Variants in CSGALNACT1 observed in about 807,000 individuals in gnomAD.
The protein encoded by CSGALNACT1 is beta4GalNAcT-1.
A neutral mutation model predicts 51.0 loss-of-function variants in CSGALNACT1; 52 were observed. The ratio of observed to expected loss-of-function variants is 1.02; its 90% CI spans 0.82 to 1.29. CSGALNACT1 has a LOEUF of 1.29. CSGALNACT1 is among the 50% of genes most tolerant of loss of function. The pLI, the probability that CSGALNACT1 is intolerant of heterozygous loss-of-function variation, is 0.00. For missense variants in CSGALNACT1, 935 were observed against 679.2 expected, an observed-to-expected ratio of 1.38 and a Z score of -4.19; for synonymous variants, 341 against 254.4, an observed-to-expected ratio of 1.34 and a Z score of -3.24.
At chr8:19,578,756 T>C (rs2044862907) in intron 3 of CSGALNACT1, among the ~76,000 whole-genome samples, 1 of 152,198 alleles carries the variant, frequency 6.6e-6, no homozygotes, top group Non-Finnish European at 1.5e-5. Flanking sequence ...TCTGACCTTC[T>C]GACGTCTGCC....
intron 1 of CSGALNACT1, among the ~76,000 whole-genome samples, chr8:19,628,536 G>GGAAACT (rs2054758697): frequency 1.3e-5 from 2 of 152,204 alleles, no homozygotes; most frequent in South Asian, 4.1e-4. Flanking sequence ...TTACAGATCG[G>GGAAACT]GAAACTAAGC....
intron 3 of CSGALNACT1, among the ~76,000 whole-genome samples, chr8:19,578,606 G>C (rs778648574): frequency 9.2e-5 from 14 of 152,114 alleles, no homozygotes; most frequent in Non-Finnish European, 1.6e-4. Context: ...TATTCGCTAT[G>C]AACTTACATT....
intron 6 of CSGALNACT1, among the ~76,000 whole-genome samples, chr8:19,421,484 CA>C (rs1211854588): frequency 6.6e-6 from 1 of 152,170 alleles, no homozygotes; most frequent in African/African-American, 2.4e-5. Context: ...TTCAGCCTAG[CA>C]AATCCCTTTT....
chr8:19,604,210 A>G (rs569109442), upstream of CSGALNACT1, among the ~76,000 whole-genome samples: 2 of 152,310 alleles, frequency 1.3e-5, no homozygotes, highest in African/African-American at 4.8e-5. Flanking sequence ...ATCAGGGTGG[A>G]AGGGGAATAG....
chr8:19,712,881 T>C (rs75575950), intron 1 of CSGALNACT1, among the ~76,000 whole-genome samples: 1,711 of 152,258 alleles, frequency 0.011, 45 homozygotes, highest in African/African-American at 0.039. Context: ...TTGGAAACAA[T>C]GAACCCAATC....
intron 1 of CSGALNACT1, among the ~76,000 whole-genome samples, chr8:19,645,585 A>G (rs2057195881): frequency 6.6e-6 from 1 of 152,248 alleles, no homozygotes; most frequent in South Asian, 2.1e-4. Context: ...CGTAAGGTTG[A>G]GATCGTGGGT....
chr8:19,743,187 A>G (rs556412380), intron 1 of CSGALNACT1, among the ~76,000 whole-genome samples: 6 of 152,216 alleles, frequency 3.9e-5, no homozygotes, highest in Non-Finnish European at 8.8e-5. Context: ...AAACCCCAAC[A>G]TGAGCTGCTG....
chr8:19,598,662 TACAA>T (rs146228342), intron 2 of CSGALNACT1, among the ~76,000 whole-genome samples: 153 of 152,304 alleles, frequency 1.0e-3, no homozygotes, highest in Non-Finnish European at 1.7e-3. Flanking sequence ...CTTATGTGTC[TACAA>T]ACAGTTTTTA....
intron 1 of CSGALNACT1, among the ~76,000 whole-genome samples, chr8:19,658,515 C>T (rs1169839359): frequency 6.6e-6 from 1 of 152,156 alleles, no homozygotes; most frequent in Non-Finnish European, 1.5e-5. Flanking sequence ...AGGTGGATCA[C>T]CTGAGGTCAG....
chr8:19,531,066 T>C (rs998352530), intron 3 of CSGALNACT1, among the ~76,000 whole-genome samples: 7 of 152,180 alleles, frequency 4.6e-5, no homozygotes, highest in African/African-American at 1.7e-4. Flanking sequence ...AAGGCTTCCA[T>C]TTCCTATTAC....
intron 1 of CSGALNACT1, among the ~76,000 whole-genome samples, chr8:19,750,865 A>G (rs565302779): frequency 6.6e-6 from 1 of 152,112 alleles, no homozygotes; most frequent in Non-Finnish European, 1.5e-5. Context: ...ACTCGATCTT[A>G]TTCATACTTT....
chr8:19,755,479 A>AAAAAAAAAAAAAAAAAAAAC (rs2065308411), intron 1 of CSGALNACT1, among the ~76,000 whole-genome samples: 1 of 148,082 alleles, frequency 6.8e-6, no homozygotes, highest in Non-Finnish European at 1.5e-5. Context: ...AAAAAAAAAA[A>AAAAAAAAAAAAAAAAAAAAC]AAGACAACAT....
At chr8:19,524,364 T>C (rs2081273460) in intron 3 of CSGALNACT1, among the ~76,000 whole-genome samples, 1 of 152,254 alleles carries the variant, frequency 6.6e-6, no homozygotes, top group Non-Finnish European at 1.5e-5. Context: ...TAACGATGCA[T>C]GTTATTTTAA....
At chr8:19,586,849 C>T (rs548921909) in intron 3 of CSGALNACT1, among the ~76,000 whole-genome samples, 8 of 152,284 alleles carry the variant, frequency 5.3e-5, no homozygotes, top group South Asian at 4.1e-4. Flanking sequence ...GGCTCAGGTA[C>T]ATCGTACCCT....
chr8:19,546,673 A>C (rs752342668), intron 3 of CSGALNACT1, among the ~76,000 whole-genome samples: 2 of 152,214 alleles, frequency 1.3e-5, no homozygotes, highest in African/African-American at 4.8e-5. Flanking sequence ...ATTCTTGGGA[A>C]TATCTGAAAT....
intron 1 of CSGALNACT1, among the ~76,000 whole-genome samples, chr8:19,664,758 A>T (rs2059051202): frequency 6.6e-6 from 1 of 152,218 alleles, no homozygotes; most frequent in African/African-American, 2.4e-5. Flanking sequence ...TTGGAACTGG[A>T]GGTAATTATC....
intron 4 of CSGALNACT1, among the ~76,000 whole-genome samples, chr8:19,503,376 T>A (rs2076747618): frequency 6.6e-6 from 1 of 152,170 alleles, no homozygotes; most frequent in African/African-American, 2.4e-5. Flanking sequence ...CACTGCTGAT[T>A]GAGAAAGATA....
chr8:19,573,202 C>T (rs770500203), intron 3 of CSGALNACT1, among the ~76,000 whole-genome samples: 3 of 152,194 alleles, frequency 2.0e-5, no homozygotes, highest in Non-Finnish European at 2.9e-5. Flanking sequence ...CTGTACCCTG[C>T]AAATTAGCCC....
intron 3 of CSGALNACT1, among the ~76,000 whole-genome samples, chr8:19,516,113 TC>T (rs994289323): frequency 6.6e-6 from 1 of 152,058 alleles, no homozygotes. Context: ...TCCAACACCC[TC>T]CCCTCGTTCA....
Sources: gnomAD v4.1 joint callset for allele counts (sites outside exome capture counted in the v4.1 genomes callset) on GRCh38, gnomAD v4.1.1 for gene constraint, MANE v1.5 for transcripts, NCBI Gene and HGNC (gene_info 2026-07-23, HGNC 2026-07-21) for gene names.